The following SYNPR variants were observed in gnomAD, a reference collection of about 807,000 sequenced individuals.
The protein encoded by SYNPR is synaptoporin.
In SYNPR, 23 loss-of-function variants were observed where a neutral mutation model predicts 32.9. The ratio of observed to expected loss-of-function variants is 0.70; its 90% confidence interval spans 0.50 to 0.99. The LOEUF is 0.99. Ranked by LOEUF, SYNPR falls within the 50% of genes least tolerant of loss-of-function variation. SYNPR has a pLI of 0.00. For missense variants in SYNPR, 318 were observed against 349.3 expected (o/e 0.91, Z 0.71); for synonymous variants, 146 against 135.9 (o/e 1.07, Z -0.52).
At chr3:63,400,667 C>T (rs145617213) in intron 2 of SYNPR, among the ~76,000 whole-genome samples, 1,581 of 152,242 alleles carry the variant, frequency 0.01, 13 homozygotes, top group Middle Eastern at 0.031. Context: ...GATGAGTCAC[C>T]GAACTGAGCC....
chr3:63,310,305 C>T (rs901181686), intron 2 of SYNPR, among the ~76,000 whole-genome samples: 4 of 151,970 alleles, frequency 2.6e-5, no homozygotes, highest in African/African-American at 9.7e-5. Context: ...GGATGCAAAC[C>T]TCCCTACATA....
chr3:63,375,467 A>C (rs1339646732), intron 2 of SYNPR, among the ~76,000 whole-genome samples: 1 of 152,120 alleles, frequency 6.6e-6, no homozygotes, highest in Non-Finnish European at 1.5e-5. Flanking sequence ...AAACTATCAC[A>C]AGGACAGGAA....
intron 2 of SYNPR, among the ~76,000 whole-genome samples, chr3:63,476,173 G>GAA (rs1700907516): frequency 6.4e-5 from 2 of 31,214 alleles, no homozygotes; most frequent in Non-Finnish European, 1.2e-4. Flanking sequence ...GAGGGAGGGA[G>GAA]GGAAGGAAGG....
chr3:63,540,600 T>C (rs1381948621), intron 3 of SYNPR, among the ~76,000 whole-genome samples: 2 of 151,978 alleles, frequency 1.3e-5, no homozygotes, highest in East Asian at 1.9e-4. Flanking sequence ...TGTAACATAA[T>C]GGGCATGAAT....
intron 2 of SYNPR, 119 bp downstream of exon 2, chr3:63,278,861 C>A (rs1575584036): frequency 4.1e-6 from 3 of 728,584 alleles, no homozygotes; most frequent in Admixed American, 9.0e-5. Context: ...ACCCTCAAGC[C>A]GGGGATTTCA....
chr3:63,278,262 T>C, upstream of SYNPR: 1 of 449,150 alleles, frequency 2.2e-6, no homozygotes, highest in Non-Finnish European at 4.0e-6. Flanking sequence ...TCCATGGGTT[T>C]CCCCCTCCCC....
At chr3:63,532,830 T>C (rs1032148782) in intron 3 of SYNPR, among the ~76,000 whole-genome samples, 2 of 152,176 alleles carry the variant, frequency 1.3e-5, no homozygotes, top group East Asian at 1.9e-4. Context: ...CCCAATGAAA[T>C]TGTAATACAC....
At chr3:63,272,620 C>T (rs1271442492) in intron 3 of SYNPR, among the ~76,000 whole-genome samples, 1 of 151,696 alleles carries the variant, frequency 6.6e-6, no homozygotes, top group Non-Finnish European at 1.5e-5. Flanking sequence ...ATCCACAGGC[C>T]TCTCAATAAA....
intron 3 of SYNPR, among the ~76,000 whole-genome samples, chr3:63,522,196 T>A (rs972578736): frequency 6.6e-6 from 1 of 152,202 alleles, no homozygotes; most frequent in Non-Finnish European, 1.5e-5. Flanking sequence ...GCGGTTGTTA[T>A]CAATTGCTCT....
intron 3 of SYNPR, among the ~76,000 whole-genome samples, chr3:63,493,586 C>G (rs6799126): frequency 0.14 from 21,322 of 151,790 alleles, 1,624 homozygotes; most frequent in Non-Finnish European, 0.18. Context: ...GAGGCAGAAG[C>G]AGGTGGATCA....
chr3:63,249,426 G>A (rs1296903917), intron 1 of SYNPR, among the ~76,000 whole-genome samples: 1 of 152,066 alleles, frequency 6.6e-6, no homozygotes, highest in African/African-American at 2.4e-5. Flanking sequence ...TCCAATGCTA[G>A]GATTTTTATT....
At chr3:63,374,430 C>G (rs1383644570) in intron 2 of SYNPR, among the ~76,000 whole-genome samples, 1 of 152,092 alleles carries the variant, frequency 6.6e-6, no homozygotes, top group Non-Finnish European at 1.5e-5. Context: ...CCATGGTATA[C>G]TTGAGGGTGG....
At chr3:63,553,857 G>A (rs1023100449) in intron 3 of SYNPR, among the ~76,000 whole-genome samples, 1 of 152,232 alleles carries the variant, frequency 6.6e-6, no homozygotes, top group Admixed American at 6.5e-5. Flanking sequence ...GAGTAGCTGG[G>A]ATTACAGGCA....
Position 63,303,065 on chromosome 3 carries a change from C to A in SYNPR, c.84+24323C>A, listed in dbSNP as rs533848868. ...TTAACAGCAAGTACAGTGAAGAATT[C>A]ATTTTCATAAACATATGTTTTAAGA... On this transcript the variant is annotated intron_variant, in intron 2 of 5. Transcript: ENST00000478300. Among the ~76,000 whole-genome samples, 3 of 151,776 alleles carry A rather than the reference C, an allele frequency of 2.0e-5. No homozygotes were observed. In the South Asian group the frequency reaches 6.2e-4, roughly 32 times the overall value.
intron 1 of SYNPR, among the ~76,000 whole-genome samples, chr3:63,235,540 A>G (rs1325667321): frequency 1.3e-5 from 2 of 152,132 alleles, no homozygotes; most frequent in African/African-American, 4.8e-5. Context: ...AGCATGGTTG[A>G]TTTGGTCTTG....
chr3:63,263,415 T>C (rs1291891677), intron 2 of SYNPR, among the ~76,000 whole-genome samples: 3 of 152,222 alleles, frequency 2.0e-5, no homozygotes, highest in Admixed American at 2.0e-4. Flanking sequence ...GTGTGAGCAC[T>C]TTACATAGGT....
At chr3:63,250,355 A>T (rs1456270601) in intron 1 of SYNPR, among the ~76,000 whole-genome samples, 1 of 151,876 alleles carries the variant, frequency 6.6e-6, no homozygotes, top group Non-Finnish European at 1.5e-5. Context: ...TAAAATAAAA[A>T]TAAAATTATC....
chr3:63,469,118 A>C (rs1700746311), intron 2 of SYNPR, among the ~76,000 whole-genome samples: 2 of 152,190 alleles, frequency 1.3e-5, no homozygotes, highest in Admixed American at 6.5e-5. Flanking sequence ...GAATTCAGCC[A>C]GAACTGAATC....
chr3:63,391,227 AC>A (rs1487757108), intron 2 of SYNPR, among the ~76,000 whole-genome samples: 4 of 151,974 alleles, frequency 2.6e-5, no homozygotes, highest in Non-Finnish European at 4.4e-5. Flanking sequence ...GGGCCCACTC[AC>A]CCTAGACCAC....
Sources: gnomAD v4.1 joint callset for allele counts (sites outside exome capture counted in the v4.1 genomes callset) on GRCh38, gnomAD v4.1.1 for gene constraint, MANE v1.5 for transcripts, NCBI Gene and HGNC (gene_info 2026-07-23, HGNC 2026-07-21) for gene names.